Variants in CHRM3 observed in about 807,000 individuals in gnomAD.
CHRM3 encodes cholinergic receptor muscarinic 3.
In CHRM3, 11 loss-of-function variants were observed where a neutral mutation model predicts 41.8. The observed-to-expected ratio is 0.26, with a 90% confidence interval of 0.17 to 0.44. CHRM3 has a LOEUF of 0.44. Among genes scored for constraint, CHRM3 ranks in the 20% least tolerant of loss-of-function variants. The pLI, the probability that CHRM3 is intolerant of heterozygous loss-of-function variation, is 1.00. For missense variants in CHRM3, 571 were observed against 745.4 expected (o/e 0.77, Z 2.72); for synonymous variants, 297 against 301.4 (o/e 0.99, Z 0.15).
chr1:239,861,156 A>G (rs1476606773), intron 6 of CHRM3, among the ~76,000 whole-genome samples: 1 of 152,094 alleles, frequency 6.6e-6, no homozygotes, highest in Non-Finnish European at 1.5e-5. Flanking sequence ...GACCCTAGGG[A>G]TTTGATGTTG....
At chr1:239,544,477 T>A (rs951061592) in intron 2 of CHRM3, among the ~76,000 whole-genome samples, 2 of 152,166 alleles carry the variant, frequency 1.3e-5, no homozygotes, top group Non-Finnish European at 2.9e-5. Context: ...AGTGTGTAAT[T>A]TTTGGAATGA....
intron 1 of CHRM3, among the ~76,000 whole-genome samples, chr1:239,456,141 T>C (rs865796907): frequency 1.3e-5 from 2 of 152,142 alleles, no homozygotes; most frequent in African/African-American, 2.4e-5. Flanking sequence ...TTGAGAGGCC[T>C]GAAGGTCCTT....
chr1:239,388,766 G>A (rs569475712), intron 1 of CHRM3, among the ~76,000 whole-genome samples: 77 of 152,328 alleles, frequency 5.1e-4, no homozygotes, highest in African/African-American at 1.7e-3. Flanking sequence ...GAACATGCCT[G>A]CTTCTTCAGT....
At chr1:239,888,922 G>A (rs1005092316) in intron 6 of CHRM3, among the ~76,000 whole-genome samples, 2 of 152,094 alleles carry the variant, frequency 1.3e-5, no homozygotes, top group Admixed American at 6.5e-5. Flanking sequence ...AGCCAGCAAC[G>A]GAGGACAACC....
At chr1:239,565,325 C>T (rs1313378520) in intron 3 of CHRM3, among the ~76,000 whole-genome samples, 2 of 152,158 alleles carry the variant, frequency 1.3e-5, no homozygotes, top group Non-Finnish European at 1.5e-5. Context: ...ATCCGATTCT[C>T]AAGTAGCTTT....
chr1:239,539,328 A>G (rs1350307957), intron 2 of CHRM3, among the ~76,000 whole-genome samples: 1 of 152,088 alleles, frequency 6.6e-6, no homozygotes, highest in East Asian at 1.9e-4. Flanking sequence ...ACTGGTTAGA[A>G]CTCCCCTAAG....
intron 1 of CHRM3, among the ~76,000 whole-genome samples, chr1:239,491,781 G>A (rs986654093): frequency 2.6e-5 from 4 of 152,156 alleles, no homozygotes; most frequent in African/African-American, 4.8e-5. Flanking sequence ...TGCAGTGGCT[G>A]TAATAATTTA....
intron 5 of CHRM3, among the ~76,000 whole-genome samples, chr1:239,797,884 C>A (rs1558131378): frequency 6.6e-6 from 1 of 151,888 alleles, no homozygotes; most frequent in African/African-American, 2.4e-5. Flanking sequence ...CCTGTCTCTA[C>A]AAAAAAATTA....
intron 5 of CHRM3, among the ~76,000 whole-genome samples, chr1:239,820,408 T>C (rs970577945): frequency 5.9e-5 from 9 of 152,180 alleles, no homozygotes; most frequent in Non-Finnish European, 1.2e-4. Flanking sequence ...TGACAAAAAG[T>C]CTATCCCGAT....
At chr1:239,590,145 T>TC (rs1403534757) in intron 3 of CHRM3, among the ~76,000 whole-genome samples, 4 of 152,162 alleles carry the variant, frequency 2.6e-5, no homozygotes, top group Admixed American at 6.5e-5. Context: ...CTTCTCATCA[T>TC]CCCTCAGGAG....
intron 4 of CHRM3, among the ~76,000 whole-genome samples, chr1:239,652,069 G>GT (rs1450091406): frequency 6.7e-6 from 1 of 149,124 alleles, no homozygotes; most frequent in African/African-American, 2.5e-5. Context: ...AACTGCCTTT[G>GT]TTTTGCTTTT....
rs1667891038 is a variant in CHRM3 at position 239,496,510 on chromosome 1, A to AGAGTGT, written c.-422+3704_-422+3705insAGTGTG. On this transcript the variant is annotated intron_variant, in intron 2 of 6. Transcript: ENST00000676153. The stretch of plus-strand genomic sequence containing the variant: ...ATATCTAGTGTATGCTAGTAATTCT[A>AGAGTGT]GTGTGTGTGTGTGTGTGTGTGTGTG... 2.8e-5 allele frequency among the ~76,000 whole-genome samples: 4 copies of AGAGTGT among 145,072 alleles called. No homozygotes were observed. The South Asian group carries it at 8.9e-4, about 32-fold the overall frequency.
At chr1:239,828,418 A>C (rs576683985) in intron 6 of CHRM3, among the ~76,000 whole-genome samples, 2 of 152,298 alleles carry the variant, frequency 1.3e-5, no homozygotes, top group East Asian at 3.9e-4. Context: ...TTATACACAC[A>C]CAATGTTGTG....
intron 6 of CHRM3, among the ~76,000 whole-genome samples, chr1:239,904,488 C>T (rs1201615897): frequency 6.6e-6 from 1 of 152,104 alleles, no homozygotes; most frequent in Non-Finnish European, 1.5e-5. Context: ...ACAAGGCAAA[C>T]ACCTTTAGAA....
chr1:239,759,579 T>A (rs1251920713), intron 5 of CHRM3, among the ~76,000 whole-genome samples: 4 of 152,162 alleles, frequency 2.6e-5, no homozygotes, highest in Non-Finnish European at 4.4e-5. Flanking sequence ...CCAAATTTGT[T>A]CTTAAGTCTG....
chr1:239,703,041 G>C (rs1315350335), intron 5 of CHRM3, among the ~76,000 whole-genome samples: 2 of 152,160 alleles, frequency 1.3e-5, no homozygotes. Context: ...CACCACCCCA[G>C]AAATATATTG....
At chr1:239,622,239 A>C (rs1668459081) in intron 3 of CHRM3, among the ~76,000 whole-genome samples, 1 of 152,192 alleles carries the variant, frequency 6.6e-6, no homozygotes, top group Non-Finnish European at 1.5e-5. Flanking sequence ...TTGGGTGTAC[A>C]AGGAGGATAT....
intron 1 of CHRM3, among the ~76,000 whole-genome samples, chr1:239,401,479 C>A (rs1457022900): frequency 1.3e-5 from 2 of 151,866 alleles, no homozygotes; most frequent in Non-Finnish European, 2.9e-5. Context: ...TCCCAAAATT[C>A]TTCTCTCTCT....
At chr1:239,467,501 C>T (rs1312240061) in intron 1 of CHRM3, among the ~76,000 whole-genome samples, 1 of 152,080 alleles carries the variant, frequency 6.6e-6, no homozygotes, top group Non-Finnish European at 1.5e-5. Context: ...TGGGTTTCAC[C>T]GTGTTGGTCA....
Sources: allele counts gnomAD v4.1 joint callset (sites outside exome capture counted in the v4.1 genomes callset), GRCh38; gene constraint gnomAD v4.1.1; transcripts MANE v1.5; gene names NCBI Gene and HGNC (gene_info 2026-07-23, HGNC 2026-07-21).